Variants in PATL1 observed in about 807,000 individuals in gnomAD.
PATL1 encodes the protein protein PAT1 homolog 1.
Under a neutral mutation model 100.6 loss-of-function variants are expected in PATL1, and 32 were observed. The ratio of observed to expected loss-of-function variants is 0.32; its 90% CI spans 0.24 to 0.43. PATL1 has a LOEUF of 0.43. PATL1 is among the 20% of genes least tolerant of loss of function. The probability of loss-of-function intolerance (pLI) is 1.00; values close to 1 mark genes in which losing one functional copy is unlikely to be tolerated. For synonymous variants in PATL1, 332 were observed against 330.0 expected (o/e 1.01, Z -0.07); for missense variants, 747 against 949.9 (o/e 0.79, Z 2.81).
At chr11:59,662,986 A>C (rs1458121855) in intron 2 of PATL1, among the ~76,000 whole-genome samples, 1 of 152,148 alleles carries the variant, frequency 6.6e-6, no homozygotes, top group African/African-American at 2.4e-5. Flanking sequence ...CATCATCATC[A>C]TTTTAGATTT....
rs1230328899 is a variant in PATL1 at position 59,637,683 on chromosome 11, A to G, written c.*707T>C. ...AAGAAGAAAAAGGACTTCTCAGCCT[A>G]GACCTGGGCATAAGCCAATTAAGAG... On this transcript the variant is annotated 3_prime_UTR_variant, in exon 19 of 19. Coordinates refer to ENST00000300146, the MANE Select transcript of PATL1 (RefSeq NM_152716.3). 1.3e-5 allele frequency: 2 copies of G among 152,324 alleles called. No homozygotes were observed. Among genetic ancestry groups the G allele is most frequent in the Non-Finnish European group, 2.9e-5 (2 of 68,072 alleles). The allele number at this position is 152,324 out of a possible 1,614,324, so 9.4% of individuals were successfully genotyped here.
At chr11:59,665,929 A>G (rs1261750315) in intron 2 of PATL1, among the ~76,000 whole-genome samples, 2 of 152,222 alleles carry the variant, frequency 1.3e-5, no homozygotes, top group Non-Finnish European at 2.9e-5. Flanking sequence ...CTTGGCATTT[A>G]TAACCCCGTG....
At chr11:59,649,158 A>T (rs1590697574) in intron 14 of PATL1, among the ~76,000 whole-genome samples, 1 of 152,230 alleles carries the variant, frequency 6.6e-6, no homozygotes, top group East Asian at 1.9e-4. Flanking sequence ...AATCAGGTGC[A>T]ATCTGTAAGC....
rs375929745 is a variant in PATL1 at position 59,655,653 on chromosome 11, G to A, written c.901C>T (p.Leu301=). 2.7e-5 allele frequency: 43 copies of A among 1,603,530 alleles called. No homozygotes were observed. The highest frequency in any genetic ancestry group is 3.6e-5 in the Non-Finnish European group (42 of 1,174,994). Residue 301 remains leucine, a synonymous_variant, in exon 8 of 19, where the codon CTA becomes TTA. Coordinates refer to ENST00000300146, the MANE Select transcript of PATL1 (RefSeq NM_152716.3). ...AGCATCTGCCCAACTCGCCCTTGTA[G>A]CAACTTGGGATTCATGGCAGCAAGT... ...SPLAAMNPKL[L]QGRVGQMLPP...
chr11:59,641,132 T>C (rs1367726310), intron 16 of PATL1, among the ~76,000 whole-genome samples: 1 of 151,648 alleles, frequency 6.6e-6, no homozygotes, highest in Non-Finnish European at 1.5e-5. Flanking sequence ...GATATCGCCA[T>C]TGCACTGCAG....
At chr11:59,657,905 T>C (rs1861559733) in intron 4 of PATL1, among the ~76,000 whole-genome samples, 181 bp from the exon 5 acceptor site, 1 of 152,154 alleles carries the variant, frequency 6.6e-6, no homozygotes, top group Non-Finnish European at 1.5e-5. Flanking sequence ...GGCTCATGCC[T>C]GAAATCCCAG....
intron 2 of PATL1, among the ~76,000 whole-genome samples, chr11:59,664,937 T>G (rs117454028): frequency 6.6e-6 from 1 of 152,252 alleles, no homozygotes; most frequent in Non-Finnish European, 1.5e-5. Context: ...ATCAGTTTCC[T>G]GCTTTTGTAA....
chr11:59,653,149 G>A (rs1198160936), intron 9 of PATL1, 131 bp from the exon 10 acceptor site: 4 of 730,642 alleles, frequency 5.5e-6, no homozygotes, highest in Non-Finnish European at 8.8e-6. Context: ...AAAGGGGAGT[G>A]AAAAAGAACT....
chr11:59,651,437 G>A, intron 12 of PATL1, 107 bp downstream of exon 12: 3 of 834,614 alleles, frequency 3.6e-6, no homozygotes, highest in Non-Finnish European at 5.7e-6. Flanking sequence ...GAGGCCCCGG[G>A]TTAGACTACA....
Position 59,661,735 on chromosome 11 carries a change from A to C in PATL1, c.128-2266T>G, listed in dbSNP as rs1861627580. ...AATTCCACAGCTGTGTTAAGTTTTA[A>C]ACAGTTTTAAGCTGTGTTAAGTTTA... On this transcript the variant is annotated intron_variant, in intron 2 of 18. Transcript: ENST00000300146. Among the ~76,000 whole-genome samples the C allele has an allele frequency of 2.6e-5, 4 of 152,328 alleles. No individual in the cohort carries two copies. In the South Asian group the frequency reaches 6.2e-4, roughly 24 times the overall value.
chr11:59,665,808 T>C (rs1260841460), intron 2 of PATL1, among the ~76,000 whole-genome samples: 1 of 151,888 alleles, frequency 6.6e-6, no homozygotes, highest in African/African-American at 2.4e-5. Context: ...TGTGTATGTA[T>C]ACAGTTTAAA....
chr11:59,644,617 G>C (rs886385815), intron 15 of PATL1, among the ~76,000 whole-genome samples: 5 of 152,176 alleles, frequency 3.3e-5, no homozygotes, highest in Non-Finnish European at 2.9e-5. Context: ...CATGTTGGCA[G>C]TGTCACTTAG....
intron 6 of PATL1, 33 bp downstream of exon 6, chr11:59,656,466 C>T (rs755871538): frequency 6.5e-7 from 1 of 1,539,340 alleles, no homozygotes; most frequent in South Asian, 1.1e-5. Flanking sequence ...AAAATACATA[C>T]TGCACATTTT....
At chr11:59,646,539 C>T (rs1388851019) in intron 15 of PATL1, among the ~76,000 whole-genome samples, 5 of 151,964 alleles carry the variant, frequency 3.3e-5, no homozygotes, top group Admixed American at 1.3e-4. Flanking sequence ...TCAATGAGAC[C>T]TAAACTTCTC....
At chr11:59,649,107 AATAT>A (rs1861404328) in intron 14 of PATL1, among the ~76,000 whole-genome samples, 1 of 152,242 alleles carries the variant, frequency 6.6e-6, no homozygotes, top group Non-Finnish European at 1.5e-5. Flanking sequence ...TAATAAAGGA[AATAT>A]ATAAAGATTA....
At chr11:59,668,847 G>A (rs1432990586) in intron 1 of PATL1, 34 bp downstream of exon 1, 4 of 1,247,204 alleles carry the variant, frequency 3.2e-6, no homozygotes, top group African/African-American at 1.6e-5. Flanking sequence ...GCGCGGGAGG[G>A]AGGGAGGGGT....
At chr11:59,647,028 T>C (rs1357874751) in intron 15 of PATL1, among the ~76,000 whole-genome samples, 1 of 151,970 alleles carries the variant, frequency 6.6e-6, no homozygotes, top group Non-Finnish European at 1.5e-5. Flanking sequence ...GAGACCAGCC[T>C]GGGCAATGTG....
chr11:59,655,926 C>A (rs1170356592), intron 7 of PATL1, 30 bp downstream of exon 7: 1 of 1,515,880 alleles, frequency 6.6e-7, no homozygotes, highest in Non-Finnish European at 9.0e-7. Context: ...TAGGAGAGTT[C>A]TTTATGGGTA....
At chr11:59,640,979 C>A (rs1359276535) in intron 16 of PATL1, among the ~76,000 whole-genome samples, 1 of 152,132 alleles carries the variant, frequency 6.6e-6, no homozygotes, top group Non-Finnish European at 1.5e-5. Context: ...CCGGACCAGC[C>A]TGGCCAACAT....
Sources: gnomAD v4.1 joint callset for allele counts (sites outside exome capture counted in the v4.1 genomes callset) on GRCh38, gnomAD v4.1.1 for gene constraint, MANE v1.5 for transcripts, NCBI Gene and HGNC (gene_info 2026-07-23, HGNC 2026-07-21) for gene names.